COL14A1: variants seen among roughly 807,000 people sequenced by gnomAD.
The protein encoded by COL14A1 is collagen alpha-1(XIV) chain.
COL14A1 carries 136 observed loss-of-function variants against 230.3 expected under a neutral mutation model. The ratio of observed to expected loss-of-function variants is 0.59; its 90% CI spans 0.51 to 0.68. The LOEUF is 0.68. COL14A1 is among the 30% of genes least tolerant of loss of function. The probability of loss-of-function intolerance (pLI) is 0.00; values close to 1 mark genes in which losing one functional copy is unlikely to be tolerated. For missense variants in COL14A1, 1,976 were observed against 2,215.8 expected (o/e 0.89, Z 2.17); for synonymous variants, 792 against 784.1 (o/e 1.01, Z -0.17).
intron 36 of COL14A1, among the ~76,000 whole-genome samples, chr8:120,301,265 G>A (rs898876958): frequency 6.6e-6 from 1 of 152,056 alleles, no homozygotes; most frequent in South Asian, 2.1e-4. Context: ...GTGAACTCAT[G>A]TCACAAGGAT....
chr8:120,214,879 A>G (rs1219172504), intron 13 of COL14A1, among the ~76,000 whole-genome samples: 1 of 152,220 alleles, frequency 6.6e-6, no homozygotes, highest in Non-Finnish European at 1.5e-5. Context: ...ATATGGTCAG[A>G]AACCTGAAAG....
At chr8:120,370,420 A>G in intron 47 of COL14A1, 1 of 1,601,576 alleles carries the variant, frequency 6.2e-7, no homozygotes, top group Non-Finnish European at 8.5e-7. Context: ...AGCTGTGGAT[A>G]CAGAACTGTC....
chr8:120,287,775 T>C (rs1399072624), intron 33 of COL14A1, among the ~76,000 whole-genome samples: 1 of 152,148 alleles, frequency 6.6e-6, no homozygotes, highest in Non-Finnish European at 1.5e-5. Flanking sequence ...AATAGACCTA[T>C]TAATAGAATA....
intron 36 of COL14A1, among the ~76,000 whole-genome samples, chr8:120,305,154 A>G (rs1343162156): frequency 6.6e-6 from 1 of 151,966 alleles, no homozygotes; most frequent in East Asian, 1.9e-4. Flanking sequence ...AATTTTTTGC[A>G]TTTTTAGTAG....
chr8:120,138,137 G>A (rs922726017), intron 1 of COL14A1, among the ~76,000 whole-genome samples: 39 of 151,700 alleles, frequency 2.6e-4, no homozygotes, highest in African/African-American at 5.1e-4. Flanking sequence ...TCTATATACC[G>A]ATATATATCT....
At chr8:120,235,521 G>A (rs1427643896) in intron 19 of COL14A1, among the ~76,000 whole-genome samples, 2 of 151,874 alleles carry the variant, frequency 1.3e-5, no homozygotes, top group African/African-American at 4.8e-5. Context: ...TTCTTTATTA[G>A]TCTGGCTAGT....
rs2130752318 is a variant in COL14A1, at chr8:120,208,241, G to T, written c.1201G>T (p.Asp401Tyr). The T allele has an allele frequency of 6.2e-7, 1 of 1,610,220 alleles. No homozygotes were observed. Among genetic ancestry groups the T allele is most frequent in the Admixed American group, 1.7e-5 (1 of 59,928 alleles). The part of the protein sequence containing the change: ...RGGKPDEVVV[D>Y]GTVSSTVLKN... The stretch of plus-strand genomic sequence containing the variant: ...ACTGTTCTTTAAACAGGTGGTGGTA[G>T]ATGGAACTGTATCTTCCACAGTGTT... The change falls in exon 11 of 48, where the codon GAT becomes TAT. Residue 401 changes from aspartate to tyrosine, a missense_variant. Around this residue, in one of 3 missense-constraint regions of COL14A1, gnomAD observed 1,791 missense variants for 2,019.5 expected, o/e 0.89. Coordinates refer to ENST00000297848, the MANE Select transcript of COL14A1 (RefSeq NM_021110.4).
chr8:120,280,199 T>C (rs1819993699), intron 29 of COL14A1, 100 bp downstream of exon 29: 2 of 1,378,282 alleles, frequency 1.5e-6, no homozygotes, highest in Admixed American at 1.8e-5. Context: ...GAAAAGAATA[T>C]TGACTTCCAG....
intron 23 of COL14A1, among the ~76,000 whole-genome samples, chr8:120,257,871 T>A (rs547078457): frequency 2.6e-4 from 40 of 152,300 alleles, no homozygotes; most frequent in African/African-American, 9.4e-4. Context: ...TTCCCATATA[T>A]TTTTTCATAG....
In COL14A1 at chr8:120,285,879, C is replaced by T. The variant is rs763693219; in HGVS notation, c.3986C>T (p.Thr1329Ile). 5 of 1,601,118 alleles carry T rather than the reference C, an allele frequency of 3.1e-6. No homozygotes were observed. Among genetic ancestry groups the T allele is most frequent in the South Asian group, 1.1e-5 (1 of 89,192 alleles). The change falls in exon 33 of 48, where the codon ACA becomes ATA. Residue 1329 changes from threonine to isoleucine, a missense_variant. Coordinates refer to ENST00000297848, the MANE Select transcript of COL14A1 (RefSeq NM_021110.4). Reference protein sequence around the residue: ...VILDNGGKTLTYFNYDQSGDF... With the variant: ...VILDNGGKTLIYFNYDQSGDF... ...TCAATAGATGGTGGGAAAACTCTAACATATTTCAACTATGACCAGAGTGGG... is the reference window on the plus strand; with the variant it reads ...TCAATAGATGGTGGGAAAACTCTAATATATTTCAACTATGACCAGAGTGGG...
chr8:120,332,287 G>T, intron 41 of COL14A1, 93 bp downstream of exon 41: 1 of 1,235,618 alleles, frequency 8.1e-7, no homozygotes, highest in South Asian at 1.3e-5. Flanking sequence ...TTTACCAGCA[G>T]CCGTCTTCAC....
In COL14A1 at chr8:120,315,439, TACTGTGGAA is replaced by T. The variant is rs1251603784; in HGVS notation, c.4552-90_4552-82del. 42 of 894,594 alleles carry T rather than the reference TACTGTGGAA, an allele frequency of 4.7e-5. 1 individual carries two copies. The East Asian group carries it at 1.1e-3, about 23-fold the overall frequency. The allele number at this position is 894,594 out of a possible 1,614,324, so 55.4% of individuals were successfully genotyped here. On this transcript the variant is annotated intron_variant, in intron 38 of 47. Transcript: ENST00000297848. ...TTTAGATGTTAGTGCAAACGCGATTTACTGTGGAAACTATTTAAATAATGAGAGAAGGAA... is the reference window on the plus strand; with the variant it reads ...TTTAGATGTTAGTGCAAACGCGATTTACTATTTAAATAATGAGAGAAGGAA...
chr8:120,252,808 C>G (rs1323459105), intron 22 of COL14A1, among the ~76,000 whole-genome samples: 1 of 152,160 alleles, frequency 6.6e-6, no homozygotes, highest in South Asian at 2.1e-4. Flanking sequence ...CTAATCAATA[C>G]TGTCAAGCAA....
intron 45 of COL14A1, among the ~76,000 whole-genome samples, chr8:120,351,712 C>T (rs1422679312): frequency 2.3e-5 from 2 of 88,518 alleles, no homozygotes; most frequent in African/African-American, 4.9e-5. Context: ...TCTGAATAGA[C>T]CAATAACAGG....
At chr8:120,348,846 A>G (rs1018607140) in intron 45 of COL14A1, among the ~76,000 whole-genome samples, 1 of 152,242 alleles carries the variant, frequency 6.6e-6, no homozygotes, top group African/African-American at 2.4e-5. Context: ...ATATGCATGC[A>G]TGCAAATGTA....
chr8:120,346,815 T>A (rs1036412955), intron 45 of COL14A1, among the ~76,000 whole-genome samples: 7 of 152,298 alleles, frequency 4.6e-5, no homozygotes, highest in African/African-American at 1.7e-4. Flanking sequence ...AACAGCCAGG[T>A]TGTTGAGAGC....
intron 19 of COL14A1, among the ~76,000 whole-genome samples, chr8:120,234,979 C>T (rs1030388990): frequency 2.0e-5 from 3 of 152,132 alleles, no homozygotes; most frequent in Non-Finnish European, 4.4e-5. Context: ...TAATTACTGC[C>T]TCAATTTCAG....
intron 26 of COL14A1, among the ~76,000 whole-genome samples, chr8:120,277,136 T>C (rs1260334339): frequency 6.6e-6 from 1 of 152,150 alleles, no homozygotes; most frequent in Admixed American, 6.6e-5. Context: ...GAAAGCTTTG[T>C]ATAGTAGTGG....
intron 23 of COL14A1, among the ~76,000 whole-genome samples, chr8:120,258,736 G>C (rs1336821129): frequency 6.6e-6 from 1 of 152,144 alleles, no homozygotes. Context: ...TTAAATGATA[G>C]GTTTTTGGTT....
Sources: gnomAD v4.1 joint callset for allele counts (sites outside exome capture counted in the v4.1 genomes callset) on GRCh38, gnomAD v4.1.1 for gene constraint, gnomAD v4.1.1 regional missense constraint, MANE v1.5 for transcripts, NCBI Gene and HGNC (gene_info 2026-07-23, HGNC 2026-07-21) for gene names.